Variants in LRRC7 observed in about 807,000 individuals in gnomAD.
LRRC7 encodes leucine rich repeat containing 7.
LRRC7 carries 23 observed loss-of-function variants against 175.7 expected under a neutral mutation model. The observed-to-expected ratio is 0.13, with a 90% confidence interval of 0.09 to 0.19. The LOEUF is 0.19. LRRC7 is among the 10% of genes least tolerant of loss of function. The probability of loss-of-function intolerance (pLI) is 1.00; values close to 1 mark genes in which losing one functional copy is unlikely to be tolerated. For synonymous variants in LRRC7, 685 were observed against 680.9 expected (o/e 1.01, Z -0.09); for missense variants, 1,354 against 1,904.7 (o/e 0.71, Z 5.38).
intron 1 of LRRC7, among the ~76,000 whole-genome samples, chr1:69,672,956 T>G (rs1455246743): frequency 6.6e-6 from 1 of 152,230 alleles, no homozygotes; most frequent in African/African-American, 2.4e-5. Context: ...ACTCTTTTCA[T>G]TTTTGATAAT....
intron 1 of LRRC7, among the ~76,000 whole-genome samples, chr1:69,645,930 T>A (rs766255065): frequency 3.9e-5 from 6 of 152,254 alleles, no homozygotes; most frequent in Non-Finnish European, 7.4e-5. Flanking sequence ...TGTTCCAGAT[T>A]GCAAATTCCT....
In LRRC7 at chr1:69,734,989, A is replaced by C. The variant is rs964430791; in HGVS notation, c.101-25202A>C. Among the ~76,000 whole-genome samples, 13 of 151,920 alleles carry C rather than the reference A, an allele frequency of 8.6e-5. No homozygotes were observed. In the East Asian group the frequency reaches 2.3e-3, roughly 27 times the overall value. On this transcript the variant is annotated intron_variant, in intron 2 of 26. Coordinates refer to ENST00000651989, the MANE Select transcript of LRRC7 (RefSeq NM_001370785.2). ...AAACTGTTAAAAATAGGAAAAAAAA[A>C]CCACCTATATAATCTTTACCTAGAT...
At chr1:69,594,715 C>T (rs1646770079) in intron 1 of LRRC7, among the ~76,000 whole-genome samples, 1 of 152,272 alleles carries the variant, frequency 6.6e-6, no homozygotes, top group Admixed American at 6.5e-5. Flanking sequence ...ATTCCAGTTG[C>T]ATCTTAACTG....
chr1:69,944,481 A>T (rs1010372490), intron 8 of LRRC7, among the ~76,000 whole-genome samples: 3 of 152,072 alleles, frequency 2.0e-5, no homozygotes, highest in East Asian at 1.9e-4. Flanking sequence ...ATAAGGACAA[A>T]TTTTTTGAAG....
chr1:70,018,925 T>C, intron 15 of LRRC7, 107 bp downstream of exon 15: 3 of 709,462 alleles, frequency 4.2e-6, no homozygotes, highest in Non-Finnish European at 7.2e-6. Context: ...GACAAGCTTA[T>C]AAAGATAATT....
intron 3 of LRRC7, among the ~76,000 whole-genome samples, chr1:69,784,346 A>C (rs148769864): frequency 5.8e-4 from 89 of 152,316 alleles, no homozygotes; most frequent in African/African-American, 2.0e-3. Context: ...ACTTTCTTCA[A>C]CTGGATTGAG....
intron 23 of LRRC7, among the ~76,000 whole-genome samples, chr1:70,070,248 G>A (rs1222515745): frequency 6.6e-6 from 1 of 152,118 alleles, no homozygotes; most frequent in African/African-American, 2.4e-5. Context: ...ACCTGCCTCG[G>A]CTTCCCAAAG....
At chr1:70,032,981 A>G (rs1189515608) in intron 18 of LRRC7, among the ~76,000 whole-genome samples, 2 of 152,258 alleles carry the variant, frequency 1.3e-5, no homozygotes, top group Non-Finnish European at 2.9e-5. Context: ...CATTGCCCGT[A>G]GAAGTAGTCC....
intron 25 of LRRC7, among the ~76,000 whole-genome samples, chr1:70,102,940 C>T (rs1001060260): frequency 1.3e-5 from 2 of 152,052 alleles, no homozygotes; most frequent in African/African-American, 4.8e-5. Flanking sequence ...TTCTCAAAAA[C>T]ATCCTAGGCT....
intron 7 of LRRC7, among the ~76,000 whole-genome samples, chr1:69,909,925 G>A (rs544171101): frequency 6.6e-6 from 1 of 151,594 alleles, no homozygotes; most frequent in Non-Finnish European, 1.5e-5. Context: ...ACATAGATTT[G>A]GTCTTTTCAC....
intron 8 of LRRC7, among the ~76,000 whole-genome samples, chr1:69,947,828 C>A (rs972856798): frequency 6.6e-6 from 1 of 151,794 alleles, no homozygotes; most frequent in Admixed American, 6.6e-5. Flanking sequence ...ATAAATTAGG[C>A]ACAATAAAAG....
rs182426718 is a variant in LRRC7 at position 69,598,083 on chromosome 1, C to T, written c.2+29442C>T. 3.6e-3 allele frequency among the ~76,000 whole-genome samples: 541 copies of T among 152,108 alleles called. 4 individuals are homozygous for T. Among genetic ancestry groups the T allele is most frequent in the African/African-American group, 0.013 (522 of 41,514 alleles). On this transcript the variant is annotated intron_variant, in intron 1 of 26. Transcript: ENST00000651989. Reference sequence around the variant, plus strand: ...ATATATACTTGAATCCATTTAAAACCGAATGTGTTGTCCTGTCTGCTAACG... The same window carrying T: ...ATATATACTTGAATCCATTTAAAACTGAATGTGTTGTCCTGTCTGCTAACG...
intron 1 of LRRC7, among the ~76,000 whole-genome samples, chr1:69,611,116 A>G (rs1187839918): frequency 6.6e-6 from 1 of 152,036 alleles, no homozygotes; most frequent in Non-Finnish European, 1.5e-5. Context: ...GTTTCCCACT[A>G]ATACTTTTGA....
At chr1:69,573,324 G>C (rs1202120726) in intron 1 of LRRC7, among the ~76,000 whole-genome samples, 1 of 152,140 alleles carries the variant, frequency 6.6e-6, no homozygotes, top group Non-Finnish European at 1.5e-5. Context: ...ACTTAAATCT[G>C]TAGATTATGG....
At chr1:69,800,707 T>G (rs1469746148) in intron 4 of LRRC7, among the ~76,000 whole-genome samples, 1 of 151,942 alleles carries the variant, frequency 6.6e-6, no homozygotes, top group Non-Finnish European at 1.5e-5. Context: ...ACTTTCCCTT[T>G]TCCAGCTTGA....
At chr1:69,752,129 A>C (rs2100901480) in intron 2 of LRRC7, among the ~76,000 whole-genome samples, 1 of 152,250 alleles carries the variant, frequency 6.6e-6, no homozygotes, top group Non-Finnish European at 1.5e-5. Context: ...GAGTACCAGA[A>C]TCACCATGTA....
At chr1:69,633,455 A>G (rs1403736148) in intron 1 of LRRC7, among the ~76,000 whole-genome samples, 2 of 151,572 alleles carry the variant, frequency 1.3e-5, no homozygotes, top group African/African-American at 4.9e-5. Flanking sequence ...TTGAGACAAA[A>G]TCTCCCTCTG....
chr1:69,914,242 G>A lies in LRRC7; in HGVS notation c.648-17265G>A, dbSNP rs539164612. Among the ~76,000 whole-genome samples, 23 of 152,272 alleles carry A rather than the reference G, an allele frequency of 1.5e-4. No homozygotes were observed. The East Asian group carries it at 3.7e-3, about 24-fold the overall frequency. ...AAGTTGCTGCACTGGAAATTTATGGGAAAACAACATTCCAGCCAAATTCAT... is the reference window on the plus strand; with the variant it reads ...AAGTTGCTGCACTGGAAATTTATGGAAAAACAACATTCCAGCCAAATTCAT... On this transcript the variant is annotated intron_variant, in intron 7 of 26. Transcript: ENST00000651989.
intron 1 of LRRC7, among the ~76,000 whole-genome samples, chr1:69,639,107 G>T (rs946195187): frequency 2.0e-5 from 3 of 151,692 alleles, no homozygotes; most frequent in African/African-American, 7.2e-5. Context: ...GTCCAAACAG[G>T]ATTCTGGATA....
Sources: gnomAD v4.1 joint callset for allele counts (sites outside exome capture counted in the v4.1 genomes callset) on GRCh38, gnomAD v4.1.1 for gene constraint, MANE v1.5 for transcripts, NCBI Gene and HGNC (gene_info 2026-07-23, HGNC 2026-07-21) for gene names.